PRKCB: variants seen among roughly 807,000 people sequenced by gnomAD.
PRKCB encodes the protein protein kinase C beta type.
In PRKCB, 13 loss-of-function variants were observed where a neutral mutation model predicts 81.5. That is an observed-to-expected ratio of 0.16 (90% confidence interval 0.10 to 0.25). The LOEUF (loss-of-function observed/expected upper bound fraction) is 0.25. Ranked by LOEUF, PRKCB falls within the 10% of genes least tolerant of loss-of-function variation. PRKCB has a pLI of 1.00. For synonymous variants in PRKCB, 335 were observed against 321.4 expected (o/e 1.04, Z -0.45); for missense variants, 509 against 875.7 (o/e 0.58, Z 5.29).
chr16:24,182,093 TG>T (rs1567404530), intron 13 of PRKCB, among the ~76,000 whole-genome samples: 1 of 152,222 alleles, frequency 6.6e-6, no homozygotes, highest in South Asian at 2.1e-4. Flanking sequence ...TGATATGCTT[TG>T]GTCTATTATC....
At chr16:24,028,931 C>T (rs564783374) in intron 3 of PRKCB, among the ~76,000 whole-genome samples, 55 of 152,266 alleles carry the variant, frequency 3.6e-4, no homozygotes, top group African/African-American at 1.3e-3. Context: ...GCTGGGACTA[C>T]AGGCATGTGC....
intron 2 of PRKCB, among the ~76,000 whole-genome samples, chr16:23,857,628 CT>C (rs1962591906): frequency 6.6e-6 from 1 of 152,128 alleles, no homozygotes; most frequent in Non-Finnish European, 1.5e-5. Flanking sequence ...GGCCAGGGCA[CT>C]CCAGATGGGA....
chr16:24,171,486 G>A (rs1967441135), intron 10 of PRKCB, among the ~76,000 whole-genome samples: 1 of 152,126 alleles, frequency 6.6e-6, no homozygotes. Context: ...ACACAGGTCA[G>A]TCCTATTCAT....
At chr16:24,206,509 A>C (rs1968048173) in intron 16 of PRKCB, among the ~76,000 whole-genome samples, 1 of 152,214 alleles carries the variant, frequency 6.6e-6, no homozygotes, top group Non-Finnish European at 1.5e-5. Flanking sequence ...GCTAGGCAAC[A>C]GACAGCAGGG....
intron 2 of PRKCB, among the ~76,000 whole-genome samples, chr16:23,909,461 T>G (rs530665093): frequency 6.6e-6 from 1 of 152,350 alleles, no homozygotes; most frequent in Admixed American, 6.5e-5. Context: ...ATCAGCTCTC[T>G]CATGTCCCTT....
rs551210932 is a variant in PRKCB at position 24,142,300 on chromosome 16, A to C, written c.1066-12384A>C. On this transcript the variant is annotated intron_variant, in intron 9 of 16. Transcript: ENST00000643927. ...GTCGATGCCATAATCTCTTTCTTAC[A>C]TGGCAGAGATGGTCAGGATACCTGC... Among the ~76,000 whole-genome samples the C allele has an allele frequency of 1.3e-4, 20 of 152,322 alleles. No homozygotes were observed. The South Asian group carries it at 4.1e-3, about 32-fold the overall frequency.
intron 3 of PRKCB, among the ~76,000 whole-genome samples, chr16:24,026,410 G>C (rs1965481138): frequency 6.6e-6 from 1 of 152,200 alleles, no homozygotes; most frequent in African/African-American, 2.4e-5. Context: ...ATGGAGAAAG[G>C]TCTGGATCAT....
At chr16:24,033,361 G>T (rs1009438293) in intron 4 of PRKCB, among the ~76,000 whole-genome samples, 1 of 152,190 alleles carries the variant, frequency 6.6e-6, no homozygotes, top group African/African-American at 2.4e-5. Flanking sequence ...GCAGGGGAAA[G>T]ATGGACACAT....
rs553351541 is a variant in PRKCB at position 24,184,465 on chromosome 16, G to A, written c.1534-646G>A. ...AAGAGACACTATCTCAAAAAAAAAA[G>A]AAAAGAAAAAAAGAAAAAAAATCGT... On this transcript the variant is annotated intron_variant, in intron 13 of 16. Coordinates refer to ENST00000643927, the MANE Select transcript of PRKCB (RefSeq NM_002738.7). Among the ~76,000 whole-genome samples, 1,006 of 148,714 alleles carry A rather than the reference G, an allele frequency of 6.8e-3. 10 individuals carry two copies. The highest frequency in any genetic ancestry group is 0.023 in the African/African-American group (940 of 40,336).
At chr16:23,896,078 A>AT (rs56293467) in intron 2 of PRKCB, among the ~76,000 whole-genome samples, 135,258 of 146,940 alleles carry the variant, frequency 0.92, 62,298 homozygotes, top group South Asian at 0.98. Flanking sequence ...ATCCATTCAC[A>AT]TTTTTTTTTT....
chr16:23,845,713 GAGTA>G (rs1962355604), intron 2 of PRKCB, among the ~76,000 whole-genome samples: 1 of 152,356 alleles, frequency 6.6e-6, no homozygotes, highest in Non-Finnish European at 1.5e-5. Context: ...CAAGTAAGAT[GAGTA>G]AGTATTTGGT....
intron 2 of PRKCB, among the ~76,000 whole-genome samples, chr16:23,864,543 G>A (rs1444266915): frequency 6.6e-6 from 1 of 152,132 alleles, no homozygotes; most frequent in Non-Finnish European, 1.5e-5. Context: ...AACAAAATAA[G>A]AGGTCGTTCT....
chr16:24,210,827 A>G (rs1297354681), intron 16 of PRKCB, among the ~76,000 whole-genome samples: 1 of 152,080 alleles, frequency 6.6e-6, no homozygotes, highest in Non-Finnish European at 1.5e-5. Flanking sequence ...CACATCACTT[A>G]TCTCCCTCTG....
intron 8 of PRKCB, among the ~76,000 whole-genome samples, chr16:24,121,807 G>A (rs1027947506): frequency 3.3e-5 from 5 of 152,214 alleles, no homozygotes; most frequent in Non-Finnish European, 7.3e-5. Flanking sequence ...CACTGAGCAT[G>A]TGTTGTGTGC....
chr16:23,918,289 C>G (rs1256230618), intron 2 of PRKCB, among the ~76,000 whole-genome samples: 1 of 152,086 alleles, frequency 6.6e-6, no homozygotes, highest in Non-Finnish European at 1.5e-5. Context: ...TAGGTGAGGT[C>G]TACTAGAAGA....
chr16:23,982,050 C>A (rs1422819969), intron 2 of PRKCB, among the ~76,000 whole-genome samples: 2 of 125,540 alleles, frequency 1.6e-5, no homozygotes, highest in East Asian at 2.6e-4. Context: ...CTTCCCCTTC[C>A]CTTTCCCTTC....
intron 2 of PRKCB, among the ~76,000 whole-genome samples, chr16:23,901,765 C>T (rs1369034848): frequency 6.6e-6 from 1 of 152,136 alleles, no homozygotes; most frequent in Admixed American, 6.6e-5. Context: ...TCTCTGAGGT[C>T]CCAAAAATTC....
intron 2 of PRKCB, among the ~76,000 whole-genome samples, chr16:23,928,024 G>C (rs2141752937): frequency 6.6e-6 from 1 of 152,176 alleles, no homozygotes; most frequent in African/African-American, 2.4e-5. Context: ...ATTCAGGCGA[G>C]AAGAGAGGAG....
intron 2 of PRKCB, among the ~76,000 whole-genome samples, chr16:23,841,250 T>G (rs1482381920): frequency 1.3e-5 from 2 of 151,986 alleles, no homozygotes; most frequent in Non-Finnish European, 2.9e-5. Context: ...TGGCTAATTT[T>G]TGTATTTTTA....
Sources: gnomAD v4.1 joint callset for allele counts (sites outside exome capture counted in the v4.1 genomes callset) on GRCh38, gnomAD v4.1.1 for gene constraint, MANE v1.5 for transcripts, NCBI Gene and HGNC (gene_info 2026-07-23, HGNC 2026-07-21) for gene names.